Variants in SUPT3H observed in about 807,000 individuals in gnomAD.
SUPT3H encodes transcription initiation protein SPT3 homolog.
A neutral mutation model predicts 44.3 loss-of-function variants in SUPT3H; 44 were observed. The ratio of observed to expected loss-of-function variants is 0.99; its 90% CI spans 0.78 to 1.28. SUPT3H has a LOEUF of 1.28. Among genes scored for constraint, SUPT3H ranks in the 50% most tolerant of loss-of-function variants. The pLI is 0.00. For missense variants in SUPT3H, 380 were observed against 387.1 expected (o/e 0.98, Z 0.15); for synonymous variants, 124 against 125.6 (o/e 0.99, Z 0.09).
At chr6:45,229,581 TAC>T (rs1288508113) in intron 2 of SUPT3H, among the ~76,000 whole-genome samples, 2 of 152,192 alleles carry the variant, frequency 1.3e-5, no homozygotes, top group African/African-American at 4.8e-5. Context: ...AGCCACATTT[TAC>T]AGATGAGAAA....
intron 2 of SUPT3H, among the ~76,000 whole-genome samples, chr6:45,249,509 C>G (rs1192079798): frequency 1.3e-5 from 2 of 151,218 alleles, no homozygotes; most frequent in African/African-American, 4.9e-5. Context: ...ATTTTGGAAG[C>G]TAGAAAGCAC....
At chr6:44,909,046 T>C (rs1766572213) in intron 10 of SUPT3H, among the ~76,000 whole-genome samples, 2 of 152,122 alleles carry the variant, frequency 1.3e-5, no homozygotes, top group Non-Finnish European at 2.9e-5. Context: ...TATACACATA[T>C]AGCTATAAAA....
At chr6:44,986,454 T>C in intron 6 of SUPT3H, among the ~76,000 whole-genome samples, 1 of 152,164 alleles carries the variant, frequency 6.6e-6, no homozygotes, top group Non-Finnish European at 1.5e-5. Flanking sequence ...GTACTACTAC[T>C]ACTAATACTA....
At chr6:44,891,167 A>C (rs1271374157) in intron 10 of SUPT3H, among the ~76,000 whole-genome samples, 1 of 152,160 alleles carries the variant, frequency 6.6e-6, no homozygotes, top group Non-Finnish European at 1.5e-5. Flanking sequence ...TCAAAAAAAG[A>C]AATAAAAAAT....
At chr6:44,830,523 G>A (rs889448508) in intron 10 of SUPT3H, among the ~76,000 whole-genome samples, 4 of 152,052 alleles carry the variant, frequency 2.6e-5, no homozygotes, top group Admixed American at 6.6e-5. Context: ...TAATTAATAC[G>A]TTTCAGTAAA....
chr6:44,888,165 C>A (rs973429126), intron 10 of SUPT3H, among the ~76,000 whole-genome samples: 1 of 152,216 alleles, frequency 6.6e-6, no homozygotes, highest in African/African-American at 2.4e-5. Context: ...GAAGGATTCA[C>A]AGCCGAATTC....
In SUPT3H at chr6:44,961,745, T is replaced by A. The variant is rs1440945589; in HGVS notation, c.580+8A>T. 6.3e-7 allele frequency: 1 copy of A among 1,599,792 alleles called. No individual in the cohort carries two copies. Among genetic ancestry groups the A allele is most frequent in the Non-Finnish European group, 8.5e-7 (1 of 1,172,724 alleles). ...CATATAATTAAGCAAAGTTAAATAGTTACTTACAGAAACTTAATTGTCGAC... is the reference window on the plus strand; with the variant it reads ...CATATAATTAAGCAAAGTTAAATAGATACTTACAGAAACTTAATTGTCGAC... On this transcript the variant is annotated splice_region_variant and intron_variant, in intron 7 of 10. Coordinates refer to ENST00000371459, the MANE Select transcript of SUPT3H (RefSeq NM_003599.4).
intron 2 of SUPT3H, among the ~76,000 whole-genome samples, chr6:45,354,255 G>A (rs1792665931): frequency 6.6e-6 from 1 of 151,912 alleles, no homozygotes; most frequent in African/African-American, 2.4e-5. Context: ...TAACAGCAGG[G>A]ATTAAAAATA....
Position 44,963,804 on chromosome 6 carries a change from C to A in SUPT3H, c.505-1976G>T, listed in dbSNP as rs148027918. ...CATGAGGTCAGGAGATTGAGACCAT[C>A]CTGGCTAACACGGTGAAACCCCATC... On this transcript the variant is annotated intron_variant, in intron 6 of 10. Transcript: ENST00000371459. Among the ~76,000 whole-genome samples, 390 of 152,072 alleles carry A rather than the reference C, an allele frequency of 2.6e-3. 3 individuals are homozygous for A. Among genetic ancestry groups the A allele is most frequent in the African/African-American group, 8.6e-3 (356 of 41,490 alleles).
At chr6:45,008,334 G>A (rs1404327965) in intron 5 of SUPT3H, among the ~76,000 whole-genome samples, 1 of 152,068 alleles carries the variant, frequency 6.6e-6, no homozygotes, top group Non-Finnish European at 1.5e-5. Flanking sequence ...GTCCTCAACA[G>A]CACTTGTTAT....
At chr6:44,814,930 G>A (rs1408152608) in intron 11 of SUPT3H, among the ~76,000 whole-genome samples, 1 of 152,020 alleles carries the variant, frequency 6.6e-6, no homozygotes, top group Non-Finnish European at 1.5e-5. Flanking sequence ...ACCTGCCTTG[G>A]CCTCCCAAAG....
chr6:44,933,639 C>T (rs116710863), intron 9 of SUPT3H, among the ~76,000 whole-genome samples: 1 of 152,034 alleles, frequency 6.6e-6, no homozygotes, highest in Non-Finnish European at 1.5e-5. Flanking sequence ...CTGACACATG[C>T]TAGGAAATTG....
At chr6:45,055,320 T>C (rs1308324346) in intron 3 of SUPT3H, among the ~76,000 whole-genome samples, 1 of 151,978 alleles carries the variant, frequency 6.6e-6, no homozygotes, top group Non-Finnish European at 1.5e-5. Context: ...GAAAAAACAA[T>C]CCTAAATTTC....
intron 3 of SUPT3H, among the ~76,000 whole-genome samples, chr6:45,066,474 GTA>G (rs1793339498): frequency 1.6e-5 from 1 of 61,306 alleles, no homozygotes; most frequent in Non-Finnish European, 3.1e-5. Context: ...CAATTAGGCA[GTA>G]GAAGGAAATA....
rs1811487568 is a variant in SUPT3H, at chr6:45,175,052, A to G, written c.102-69046T>C. Among the ~76,000 whole-genome samples the G allele has an allele frequency of 2.0e-5, 3 of 151,262 alleles. No individual in the cohort carries two copies. The South Asian group carries it at 6.3e-4, about 32-fold the overall frequency. On this transcript the variant is annotated intron_variant, in intron 2 of 10. Transcript: ENST00000371459. ...AAAAAAAAAAAAAATTAAAAAAATTAAATGTCACTTCCTTGTCCACATTTT... is the reference window on the plus strand; with the variant it reads ...AAAAAAAAAAAAAATTAAAAAAATTGAATGTCACTTCCTTGTCCACATTTT...
At chr6:45,160,442 T>C (rs889080566) in intron 2 of SUPT3H, among the ~76,000 whole-genome samples, 1 of 152,068 alleles carries the variant, frequency 6.6e-6, no homozygotes, top group Non-Finnish European at 1.5e-5. Flanking sequence ...ACATCCACAG[T>C]CAAGATATAA....
intron 2 of SUPT3H, among the ~76,000 whole-genome samples, chr6:45,106,933 C>G (rs559616192): frequency 7.6e-4 from 115 of 152,124 alleles, no homozygotes; most frequent in Non-Finnish European, 1.5e-3. Flanking sequence ...TAACCACATC[C>G]CAATTACCAA....
chr6:45,260,264 A>C (rs1034577187), intron 2 of SUPT3H, among the ~76,000 whole-genome samples: 1 of 152,168 alleles, frequency 6.6e-6, no homozygotes, highest in Admixed American at 6.6e-5. Flanking sequence ...TCAGAGGCCA[A>C]GTCAAAGAAT....
At chr6:45,365,167 T>C (rs377102117) in intron 2 of SUPT3H, 34 bp downstream of exon 2, 5 of 1,253,676 alleles carry the variant, frequency 4.0e-6, no homozygotes, top group African/African-American at 1.5e-5. Flanking sequence ...AAATTTAAAA[T>C]AGTAATAGCA....
Sources: gnomAD v4.1 joint callset for allele counts (sites outside exome capture counted in the v4.1 genomes callset) on GRCh38, gnomAD v4.1.1 for gene constraint, MANE v1.5 for transcripts, NCBI Gene and HGNC (gene_info 2026-07-23, HGNC 2026-07-21) for gene names.